Variants in NRXN3 observed in about 807,000 individuals in gnomAD.
NRXN3 encodes the protein neurexin 3, also known as neurexin III.
A neutral mutation model predicts 137.6 loss-of-function variants in NRXN3; 32 were observed. The ratio of observed to expected loss-of-function variants is 0.23; its 90% CI spans 0.18 to 0.31. The LOEUF is 0.31. Among genes scored for constraint, NRXN3 ranks in the 10% least tolerant of loss-of-function variants. The pLI is 1.00. For missense variants in NRXN3, 1,574 were observed against 2,062.5 expected (o/e 0.76, Z 4.59); for synonymous variants, 798 against 784.5 (o/e 1.02, Z -0.29).
intron 3 of NRXN3, among the ~76,000 whole-genome samples, chr14:78,292,278 A>G (rs2075879110): frequency 1.3e-5 from 2 of 152,238 alleles, no homozygotes; most frequent in Non-Finnish European, 2.9e-5. Flanking sequence ...GGATTTTCCC[A>G]AAGGGTGTAA....
intron 10 of NRXN3, among the ~76,000 whole-genome samples, chr14:78,872,289 A>G (rs1360008402): frequency 6.8e-6 from 1 of 147,954 alleles, no homozygotes; most frequent in Non-Finnish European, 1.5e-5. Flanking sequence ...ATAAATATAT[A>G]TACATATTTT....
intron 15 of NRXN3, among the ~76,000 whole-genome samples, chr14:79,103,327 T>C (rs2051716823): frequency 6.6e-6 from 1 of 152,138 alleles, no homozygotes; most frequent in Non-Finnish European, 1.5e-5. Flanking sequence ...ATCAATTAAT[T>C]GATTGATGGT....
rs375972282 is a variant in NRXN3 at position 78,709,396 on chromosome 14, T to C, written c.1401T>C (p.Arg467=). The C allele has an allele frequency of 1.3e-4, 202 of 1,614,096 alleles. 2 individuals carry two copies. In the South Asian group the frequency reaches 2.1e-3, roughly 17 times the overall value. Residue 467 remains arginine (R), a synonymous_variant, in exon 7 of 21, where the codon CGT becomes CGC. Coordinates refer to ENST00000335750, the MANE Select transcript of NRXN3 (RefSeq NM_001330195.2). ...GCTTGCCCAAGTGGAACACTAAACGTATGGGCTCCATCTCCTTTGACTTCC... is the reference window on the plus strand; with the variant it reads ...GCTTGCCCAAGTGGAACACTAAACGCATGGGCTCCATCTCCTTTGACTTCC... ...YISLPKWNTK[R]MGSISFDFRT... is the part of the protein sequence containing the mutation.
chr14:78,531,335 C>A (rs1157703608), intron 4 of NRXN3, among the ~76,000 whole-genome samples: 2 of 152,176 alleles, frequency 1.3e-5, no homozygotes, highest in Non-Finnish European at 2.9e-5. Flanking sequence ...TCATGTCAAT[C>A]TTCTCAGTGT....
intron 4 of NRXN3, among the ~76,000 whole-genome samples, chr14:78,520,761 G>A (rs1420754663): frequency 1.3e-5 from 2 of 152,154 alleles, no homozygotes; most frequent in Non-Finnish European, 2.9e-5. Flanking sequence ...AGTTGGGAAC[G>A]ATTACTGGAT....
chr14:78,599,155 T>G (rs545142453), intron 4 of NRXN3, among the ~76,000 whole-genome samples: 1 of 152,326 alleles, frequency 6.6e-6, no homozygotes, highest in South Asian at 2.1e-4. Context: ...GGGACAAGAA[T>G]CCCCAATTTA....
chr14:78,886,612 G>C (rs1416106732), intron 10 of NRXN3, among the ~76,000 whole-genome samples: 1 of 151,882 alleles, frequency 6.6e-6, no homozygotes, highest in African/African-American at 2.4e-5. Flanking sequence ...GTCATAATGG[G>C]AATAAAGGAA....
intron 15 of NRXN3, among the ~76,000 whole-genome samples, chr14:79,290,468 A>G (rs1177911863): frequency 2.0e-5 from 3 of 152,212 alleles, no homozygotes; most frequent in African/African-American, 7.2e-5. Context: ...TCAAACAAGT[A>G]GGAGAAATAA....
At chr14:79,394,933 G>T (rs1265284027) in intron 15 of NRXN3, among the ~76,000 whole-genome samples, 1 of 152,192 alleles carries the variant, frequency 6.6e-6, no homozygotes, top group African/African-American at 2.4e-5. Context: ...TCTAGCTAAA[G>T]AGCCCGCATT....
chr14:79,233,400 C>T (rs1597584500), intron 15 of NRXN3, among the ~76,000 whole-genome samples: 1 of 152,260 alleles, frequency 6.6e-6, no homozygotes, highest in Non-Finnish European at 1.5e-5. Context: ...TCCAGTACAA[C>T]TTGGTATGCC....
intron 16 of NRXN3, chr14:79,611,869 T>C (rs1417994732): frequency 3.3e-5 from 5 of 152,242 alleles, no homozygotes; most frequent in Non-Finnish European, 5.9e-5. Flanking sequence ...AATTAAAATA[T>C]AGCTGGATCA....
chr14:78,355,434 G>C (rs919836289), intron 4 of NRXN3, among the ~76,000 whole-genome samples: 23 of 151,600 alleles, frequency 1.5e-4, no homozygotes, highest in African/African-American at 5.6e-4. Context: ...GTTTTCTCCT[G>C]AGACAGAATC....
intron 17 of NRXN3, among the ~76,000 whole-genome samples, chr14:79,673,848 T>C (rs1463257718): frequency 6.6e-6 from 1 of 152,082 alleles, no homozygotes; most frequent in African/African-American, 2.4e-5. Flanking sequence ...ATCAAGTCTT[T>C]GCAGTAGCCC....
chr14:78,404,183 A>C (rs2092323605), intron 4 of NRXN3, among the ~76,000 whole-genome samples: 1 of 147,468 alleles, frequency 6.8e-6, no homozygotes, highest in Admixed American at 6.9e-5. Flanking sequence ...CATGAGTTAT[A>C]GCTGTGATGT....
chr14:79,552,357 G>T (rs1480628947), intron 16 of NRXN3, among the ~76,000 whole-genome samples: 1 of 152,098 alleles, frequency 6.6e-6, no homozygotes, highest in Non-Finnish European at 1.5e-5. Context: ...AGAGTATAGG[G>T]TCCTCACTAT....
At chr14:79,799,983 C>T (rs2099172453) in intron 19 of NRXN3, among the ~76,000 whole-genome samples, 2 of 152,122 alleles carry the variant, frequency 1.3e-5, no homozygotes, top group Non-Finnish European at 2.9e-5. Flanking sequence ...GAAAAAAGCA[C>T]CTTGATGACA....
chr14:78,673,620 C>A (rs1238934681), intron 6 of NRXN3, among the ~76,000 whole-genome samples: 1 of 152,172 alleles, frequency 6.6e-6, no homozygotes, highest in Non-Finnish European at 1.5e-5. Flanking sequence ...GTTCTGGAGG[C>A]TGGAAAGCCG....
At chr14:79,753,693 A>G (rs2099007297) in intron 19 of NRXN3, among the ~76,000 whole-genome samples, 1 of 151,814 alleles carries the variant, frequency 6.6e-6, no homozygotes, top group Non-Finnish European at 1.5e-5. Context: ...CACATTGTGC[A>G]TATGTACCCT....
rs565145046 is a variant in NRXN3, at chr14:79,082,047, A to T, written c.3262+93906A>T. Among the ~76,000 whole-genome samples, 282 of 147,022 alleles carry T rather than the reference A, an allele frequency of 1.9e-3. 1 individual carries two copies. Among genetic ancestry groups the T allele is most frequent in the Middle Eastern group, 3.6e-3 (1 of 278 alleles). On this transcript the variant is annotated intron_variant, in intron 15 of 20. Transcript: ENST00000335750. ...ACATATATGTTTCATACATATGTGT[A>T]TACATATATATGTTTCATACATATA...
Sources: allele counts gnomAD v4.1 joint callset (sites outside exome capture counted in the v4.1 genomes callset), GRCh38; gene constraint gnomAD v4.1.1; transcripts MANE v1.5; gene names NCBI Gene and HGNC (gene_info 2026-07-23, HGNC 2026-07-21).